ITPR1: variants seen among roughly 807,000 people sequenced by gnomAD.
ITPR1 encodes inositol 1,4,5-trisphosphate receptor type 1.
ITPR1 carries 96 observed loss-of-function variants against 318.4 expected under a neutral mutation model. That is an observed-to-expected ratio of 0.30 (90% CI 0.26 to 0.36). ITPR1 has a LOEUF of 0.36. Among genes scored for constraint, ITPR1 ranks in the 10% least tolerant of loss-of-function variants. The probability of loss-of-function intolerance (pLI) is 1.00; values close to 1 mark genes in which losing one functional copy is unlikely to be tolerated. For synonymous variants in ITPR1, 1,312 were observed against 1,289.9 expected (o/e 1.02, Z -0.37); for missense variants, 2,440 against 3,460.2 (o/e 0.71, Z 7.40).
At chr3:4,738,115 G>A (rs1203463916) in intron 44 of ITPR1, among the ~76,000 whole-genome samples, 2 of 151,826 alleles carry the variant, frequency 1.3e-5, no homozygotes. Context: ...TGGGTACTAG[G>A]TTTAATACCA....
intron 60 of ITPR1, among the ~76,000 whole-genome samples, chr3:4,825,257 C>G (rs1037693671): frequency 3.9e-5 from 6 of 152,182 alleles, no homozygotes; most frequent in African/African-American, 1.4e-4. Context: ...GGTTAGTTCA[C>G]TTGACCTCTT....
chr3:4,704,274 T>C (rs1407185216), intron 36 of ITPR1, among the ~76,000 whole-genome samples: 2 of 152,164 alleles, frequency 1.3e-5, no homozygotes, highest in East Asian at 3.9e-4. Context: ...TAGCCTGGCA[T>C]GGCGGCGCAT....
chr3:4,742,646 A>G (rs1159174586), intron 44 of ITPR1, among the ~76,000 whole-genome samples: 1 of 152,084 alleles, frequency 6.6e-6, no homozygotes, highest in Non-Finnish European at 1.5e-5. Flanking sequence ...TTTTTAAGAG[A>G]TAGGGTCTTG....
intron 4 of ITPR1, among the ~76,000 whole-genome samples, chr3:4,526,697 G>A (rs1042691128): frequency 2.0e-5 from 3 of 151,040 alleles, no homozygotes; most frequent in African/African-American, 7.3e-5. Context: ...CCATTATGCA[G>A]TTGAGGAAAT....
intron 35 of ITPR1, among the ~76,000 whole-genome samples, chr3:4,700,512 A>G (rs2094630700): frequency 6.6e-6 from 1 of 152,250 alleles, no homozygotes; most frequent in African/African-American, 2.4e-5. Context: ...GAAGCGGTGA[A>G]CGAAAAGGGA....
intron 24 of ITPR1, 22 bp from the exon 25 acceptor site, chr3:4,680,531 C>T: frequency 1.9e-6 from 3 of 1,608,438 alleles, no homozygotes; most frequent in Non-Finnish European, 2.6e-6. Flanking sequence ...CAATCTGTTT[C>T]CATTTCCACT....
At chr3:4,506,464 C>T (rs1039413652) in intron 2 of ITPR1, among the ~76,000 whole-genome samples, 2 of 152,104 alleles carry the variant, frequency 1.3e-5, no homozygotes, top group Non-Finnish European at 2.9e-5. Context: ...TTTTTCTGAC[C>T]AGCCAAAATT....
At position 4,667,430 on chromosome 3, in the gene ITPR1, G is replaced by A. The variant is rs907737714; in HGVS notation, c.1767G>A (p.Val589=). ...TGCAGAAGCAGATTGGCTATGATGTGTTGGCTGAAGACACTATCACTGCCC... is the reference window on the plus strand; with the variant it reads ...TGCAGAAGCAGATTGGCTATGATGTATTGGCTGAAGACACTATCACTGCCC... ...GFMQKQIGYD[V]LAEDTITALL... Residue 589 remains valine, a synonymous_variant, in exon 18 of 62, where the codon GTG becomes GTA. Coordinates refer to ENST00000649015, the MANE Select transcript of ITPR1 (RefSeq NM_001378452.1). 1.9e-6 allele frequency: 3 copies of A among 1,613,344 alleles called. No individual in the cohort carries two copies. In the Admixed American group the frequency reaches 5.0e-5, roughly 27 times the overall value.
intron 4 of ITPR1, among the ~76,000 whole-genome samples, chr3:4,606,517 C>G (rs2091714494): frequency 6.6e-6 from 1 of 152,108 alleles, no homozygotes; most frequent in Non-Finnish European, 1.5e-5. Flanking sequence ...TGGTCCTTGC[C>G]TTTCTCCAGA....
At chr3:4,728,083 T>G (rs924178066) in intron 42 of ITPR1, among the ~76,000 whole-genome samples, 11 of 152,226 alleles carry the variant, frequency 7.2e-5, no homozygotes, top group Admixed American at 4.6e-4. Context: ...AATTAACAGG[T>G]GGTTCATCAC....
At chr3:4,767,743 G>A (rs2045912221) in intron 45 of ITPR1, among the ~76,000 whole-genome samples, 1 of 152,170 alleles carries the variant, frequency 6.6e-6, no homozygotes, top group African/African-American at 2.4e-5. Flanking sequence ...GCCCAAGTTG[G>A]TCTAAAACTT....
At chr3:4,662,681 C>T (rs555990288) in intron 15 of ITPR1, among the ~76,000 whole-genome samples, 1 of 152,164 alleles carries the variant, frequency 6.6e-6, no homozygotes, top group Admixed American at 6.5e-5. Context: ...CAAGATCATA[C>T]CACTGCACTT....
rs182217716 is a variant in ITPR1, at chr3:4,812,603, G to T, written c.7469-539G>T. ...TGGCCCGACTTAGTGAAATACTACT[G>T]GTTTTTCATCCCGAGTCTAAGAAAC... On this transcript the variant is annotated intron_variant, in intron 56 of 61. Transcript: ENST00000649015. Among the ~76,000 whole-genome samples the T allele has an allele frequency of 5.3e-4, 81 of 152,272 alleles. 4 individuals are homozygous for T. The South Asian group carries it at 0.016, about 31-fold the overall frequency.
intron 44 of ITPR1, among the ~76,000 whole-genome samples, chr3:4,742,819 T>C (rs2043805037): frequency 6.6e-6 from 1 of 152,246 alleles, no homozygotes; most frequent in Non-Finnish European, 1.5e-5. Context: ...ATGTGTTTTC[T>C]GTCTAAAATC....
At chr3:4,662,294 T>A in intron 15 of ITPR1, 52 bp downstream of exon 15, 1 of 1,412,434 alleles carries the variant, frequency 7.1e-7, no homozygotes, top group Non-Finnish European at 9.4e-7. Context: ...TGAGAGTTTC[T>A]GACATCCATG....
intron 3 of ITPR1, among the ~76,000 whole-genome samples, chr3:4,520,685 A>T (rs967312913): frequency 2.6e-5 from 4 of 152,172 alleles, no homozygotes; most frequent in Non-Finnish European, 5.9e-5. Flanking sequence ...GCACAAAGTC[A>T]GCTCCTCAGC....
intron 58 of ITPR1, 132 bp from the exon 59 acceptor site, chr3:4,814,921 T>A: frequency 1.3e-6 from 1 of 766,306 alleles, no homozygotes; most frequent in South Asian, 1.8e-5. Context: ...GATGCAGTTT[T>A]CAGTTTAAAA....
At chr3:4,512,255 C>T (rs1385813688) in intron 2 of ITPR1, among the ~76,000 whole-genome samples, 4 of 152,270 alleles carry the variant, frequency 2.6e-5, no homozygotes, top group East Asian at 1.9e-4. Context: ...CATGAGCCAC[C>T]GTGCCTGGTT....
At chr3:4,761,726 A>T (rs568133736) in intron 44 of ITPR1, among the ~76,000 whole-genome samples, 1 of 152,322 alleles carries the variant, frequency 6.6e-6, no homozygotes, top group East Asian at 1.9e-4. Context: ...GAGGCAGTGT[A>T]GCGGGTAGAG....
Sources: gnomAD v4.1 joint callset for allele counts (sites outside exome capture counted in the v4.1 genomes callset) on GRCh38, gnomAD v4.1.1 for gene constraint, MANE v1.5 for transcripts, NCBI Gene and HGNC (gene_info 2026-07-23, HGNC 2026-07-21) for gene names.